CCDC50: variants seen among roughly 807,000 people sequenced by gnomAD.
The protein encoded by CCDC50 is coiled-coil domain containing 50, also known as coiled-coil domain-containing protein 50.
Under a neutral mutation model 70.2 loss-of-function variants are expected in CCDC50, and 54 were observed. That is an observed-to-expected ratio of 0.77 (90% CI 0.62 to 0.96). The LOEUF (loss-of-function observed/expected upper bound fraction) is 0.96, where lower values mean the gene tolerates loss of function less well. Among genes scored for constraint, CCDC50 ranks in the 50% least tolerant of loss-of-function variants. CCDC50 has a pLI of 0.00. For missense variants in CCDC50, 558 were observed against 578.7 expected, an observed-to-expected ratio of 0.96 and a Z score of 0.37; for synonymous variants, 216 against 198.8, an observed-to-expected ratio of 1.09 and a Z score of -0.73.
chr3:191,383,265 C>G (rs1713379730), intron 10 of CCDC50, among the ~76,000 whole-genome samples: 1 of 152,096 alleles, frequency 6.6e-6, no homozygotes, highest in East Asian at 1.9e-4. Context: ...ATCTTGAATC[C>G]TTGCAGACTG....
chr3:191,359,322 A>C, intron 3 of CCDC50, among the ~76,000 whole-genome samples: 1 of 74,850 alleles, frequency 1.3e-5, no homozygotes, highest in South Asian at 3.5e-4. Context: ...ACTTGGAATC[A>C]ATCTCACGTT....
intron 1 of CCDC50, among the ~76,000 whole-genome samples, chr3:191,342,440 G>C (rs1711764857): frequency 6.6e-6 from 1 of 152,076 alleles, no homozygotes; most frequent in Non-Finnish European, 1.5e-5. Flanking sequence ...TTTGAAAATG[G>C]AAATATCTGA....
chr3:191,390,243 A>T (rs1713643144), intron 11 of CCDC50, among the ~76,000 whole-genome samples: 1 of 151,734 alleles, frequency 6.6e-6, no homozygotes, highest in Admixed American at 6.6e-5. Flanking sequence ...TCTGCCCATG[A>T]CTCTTATTAA....
intron 3 of CCDC50, among the ~76,000 whole-genome samples, chr3:191,359,065 A>G (rs1467347578): frequency 6.6e-6 from 1 of 152,230 alleles, no homozygotes; most frequent in Non-Finnish European, 1.5e-5. Flanking sequence ...AGAGATATGA[A>G]TAAGACAGCT....
At chr3:191,336,722 A>C (rs1040284945) in intron 1 of CCDC50, among the ~76,000 whole-genome samples, 1 of 152,216 alleles carries the variant, frequency 6.6e-6, no homozygotes, top group African/African-American at 2.4e-5. Flanking sequence ...TATACAGACT[A>C]TGTACTCAGA....
At chr3:191,358,600 G>A (rs929028070) in intron 3 of CCDC50, among the ~76,000 whole-genome samples, 2 of 152,194 alleles carry the variant, frequency 1.3e-5, no homozygotes, top group African/African-American at 4.8e-5. Flanking sequence ...AAGCTCTGAA[G>A]TGTAGACTCA....
intron 1 of CCDC50, among the ~76,000 whole-genome samples, chr3:191,330,908 G>A (rs1289955454): frequency 6.6e-6 from 1 of 152,088 alleles, no homozygotes; most frequent in East Asian, 1.9e-4. Flanking sequence ...TTACTGTTCC[G>A]GAAGGGTGTT....
chr3:191,352,968 T>A (rs184166), intron 1 of CCDC50, among the ~76,000 whole-genome samples: 42,641 of 140,790 alleles, frequency 0.3, 11,689 homozygotes, highest in African/African-American at 0.52. Flanking sequence ...AGCTTTATTT[T>A]TTTTTTTTTA....
rs1713363085 is a variant in CCDC50 at position 191,382,750 on chromosome 3, A to G, written c.1247A>G (p.Lys416Arg). ...KRKQDPEWKP[K>R]TAKAANSKSK... ...TGTTTGTATTTTTGTCCATAGCCAAAAACAGCTAAAGCAGCAAATTCCAAG... is the reference window on the plus strand; with the variant it reads ...TGTTTGTATTTTTGTCCATAGCCAAGAACAGCTAAAGCAGCAAATTCCAAG... Residue 416 changes from lysine to arginine, a missense_variant, in exon 10 of 12, where the codon AAA becomes AGA. By Grantham distance (26) the Lys-to-Arg change is conservative. Transcript: ENST00000392455. 1.2e-6 allele frequency: 2 copies of G among 1,610,302 alleles called. No homozygotes were observed. The highest frequency in any genetic ancestry group is 2.7e-5 in the African/African-American group (2 of 74,734).
intron 4 of CCDC50, 73 bp from the exon 5 acceptor site, chr3:191,369,846 T>C: frequency 9.3e-7 from 1 of 1,073,180 alleles, no homozygotes; most frequent in Non-Finnish European, 1.4e-6. Flanking sequence ...GGCAGTGGAA[T>C]GTCAAGCCCC....
chr3:191,345,486 A>G (rs1040251228), intron 1 of CCDC50, among the ~76,000 whole-genome samples: 2 of 152,102 alleles, frequency 1.3e-5, no homozygotes, highest in African/African-American at 4.8e-5. Context: ...GTGCTGTCAG[A>G]TGGAAATTCT....
intron 6 of CCDC50, among the ~76,000 whole-genome samples, chr3:191,376,949 C>CTAGT (rs1351231998): frequency 6.6e-6 from 1 of 152,064 alleles, no homozygotes; most frequent in Non-Finnish European, 1.5e-5. Context: ...GCTCTGAGGG[C>CTAGT]TAGTTAGGCT....
chr3:191,379,361 T>C (rs1035271360), intron 6 of CCDC50, among the ~76,000 whole-genome samples: 27 of 152,110 alleles, frequency 1.8e-4, no homozygotes, highest in Non-Finnish European at 3.2e-4. Flanking sequence ...CTCTGAATAG[T>C]TAATTTACTG....
Position 191,382,835 on chromosome 3 carries a change from C to A in CCDC50, c.1322+10C>A, listed in dbSNP as rs375633448. The A allele has an allele frequency of 3.1e-6, 5 of 1,595,318 alleles. No homozygotes were observed. The highest frequency in any genetic ancestry group is 4.3e-6 in the Non-Finnish European group (5 of 1,163,394). ...ATGAAAGGCCAGCACGGTAAGCTGA[C>A]ACCTGAAAAGAAAAATGAGGAAGTT... On this transcript the variant is annotated intron_variant, in intron 10 of 11. Coordinates refer to ENST00000392455, the MANE Select transcript of CCDC50 (RefSeq NM_178335.3).
At chr3:191,360,358 A>T (rs1277293652) in intron 3 of CCDC50, among the ~76,000 whole-genome samples, 1 of 152,138 alleles carries the variant, frequency 6.6e-6, no homozygotes. Context: ...TTAACACTTC[A>T]TTTGGGTTTG....
Position 191,380,830 on chromosome 3 carries a change from A to G in CCDC50, c.1140A>G (p.Glu380=), listed in dbSNP as rs1477452355. The change falls in exon 9 of 12, where the codon GAA becomes GAG. Residue 380 remains glutamate (E), a splice_region_variant and synonymous_variant. Transcript: ENST00000392455. The stretch of plus-strand genomic sequence containing the variant: ...GATATTGACTGTATTTTGTTTAGGA[A>G]ATCGCTCGACTTCTAATGGCTGAAG... ...MRAAQVAQDE[E]IARLLMAEEK... 14 of 1,612,782 alleles carry G rather than the reference A, an allele frequency of 8.7e-6. No individual in the cohort carries two copies. The highest frequency in any genetic ancestry group is 1.1e-5 in the Non-Finnish European group (13 of 1,179,218).
At position 191,396,710 on chromosome 3, in the gene CCDC50, C is replaced by T. The variant is rs1267023951; in HGVS notation, c.*4950C>T. On this transcript the variant is annotated 3_prime_UTR_variant, in exon 12 of 12. Transcript: ENST00000392455. ...ACATTTACTTGAAATGGGAGGTTTG[C>T]TAATGTGAAGAGTGTTTCTGTTTTA... 6.6e-6 allele frequency: 1 copy of T among 152,118 alleles called. No individual in the cohort carries two copies. The highest frequency in any genetic ancestry group is 1.5e-5 in the Non-Finnish European group (1 of 68,006). The allele number at this position is 152,118 out of a possible 1,614,324, so 9.4% of individuals were successfully genotyped here. A position where few individuals can be genotyped will look rare whatever the true frequency, so the allele number is the denominator to read the frequency against.
intron 1 of CCDC50, among the ~76,000 whole-genome samples, chr3:191,331,683 A>C (rs1717990396): frequency 6.6e-6 from 1 of 152,178 alleles, no homozygotes; most frequent in Non-Finnish European, 1.5e-5. Context: ...TATACTAGGA[A>C]TGTCCTACTA....
intron 1 of CCDC50, among the ~76,000 whole-genome samples, chr3:191,346,020 T>A (rs1363370755): frequency 1.3e-5 from 2 of 152,234 alleles, no homozygotes; most frequent in Non-Finnish European, 2.9e-5. Context: ...AGAGCTGGTA[T>A]AATTTCTCCA....
Sources: allele counts gnomAD v4.1 joint callset (sites outside exome capture counted in the v4.1 genomes callset), GRCh38; gene constraint gnomAD v4.1.1; transcripts MANE v1.5; gene names NCBI Gene and HGNC (gene_info 2026-07-23, HGNC 2026-07-21).